TTC23: variants seen among roughly 807,000 people sequenced by gnomAD.
TTC23 encodes tetratricopeptide repeat protein 23.
Under a neutral mutation model 55.1 loss-of-function variants are expected in TTC23, and 58 were observed. The ratio of observed to expected loss-of-function variants is 1.05; its 90% CI spans 0.85 to 1.31. TTC23 has a LOEUF of 1.31. Ranked by LOEUF, TTC23 falls within the 50% of genes most tolerant of loss-of-function variation. The pLI, the probability that TTC23 is intolerant of heterozygous loss-of-function variation, is 0.00. For synonymous variants in TTC23, 203 were observed against 199.9 expected, an observed-to-expected ratio of 1.02 and a Z score of -0.13; for missense variants, 516 against 534.4, an observed-to-expected ratio of 0.97 and a Z score of 0.34.
chr15:99,175,799 A>G (rs532601179), intron 9 of TTC23, among the ~76,000 whole-genome samples: 1 of 152,364 alleles, frequency 6.6e-6, no homozygotes, highest in Admixed American at 6.5e-5. Context: ...GTTCAAGACC[A>G]GCCTGGCCAA....
At position 99,218,672 on chromosome 15, in the gene TTC23, A is replaced by G. The variant is rs1596795051; in HGVS notation, c.497T>C (p.Leu166Pro). ...AAENLTKAER[L>P]SKELLQCGRI... ...TCCACATTGTAGCAGCTCCTTTGAAAGTCTCTCTGCTTTTGTCAAATTCTC... is the reference window on the plus strand; with the variant it reads ...TCCACATTGTAGCAGCTCCTTTGAAGGTCTCTCTGCTTTTGTCAAATTCTC... Residue 166 changes from leucine to proline, a missense_variant, in exon 8 of 14, where the codon CTT becomes CCT. By Grantham distance (98) the Leu-to-Pro change is moderately conservative. Transcript: ENST00000394132. 5 of 1,614,126 alleles carry G rather than the reference A, an allele frequency of 3.1e-6. No individual in the cohort carries two copies. The highest frequency in any genetic ancestry group is 1.3e-5 in the African/African-American group (1 of 75,030).
chr15:99,248,932 C>A (rs1484572418), intron 1 of TTC23, among the ~76,000 whole-genome samples: 2 of 152,056 alleles, frequency 1.3e-5, no homozygotes, highest in Non-Finnish European at 2.9e-5. Context: ...TCCCTGGAAT[C>A]CCTAATCCAC....
chr15:99,238,031 T>C (rs1378961538), intron 3 of TTC23, among the ~76,000 whole-genome samples: 3 of 152,198 alleles, frequency 2.0e-5, no homozygotes, highest in South Asian at 4.1e-4. Flanking sequence ...AGTGGCACGA[T>C]CTCGGCTCAC....
chr15:99,175,554 G>T (rs898286251), intron 9 of TTC23, among the ~76,000 whole-genome samples: 10 of 152,226 alleles, frequency 6.6e-5, no homozygotes, highest in African/African-American at 2.2e-4. Flanking sequence ...GGACCTACCG[G>T]TGGGTGTCAG....
At chr15:99,139,912 C>T (rs1384372965) in intron 12 of TTC23, 4 of 403,228 alleles carry the variant, frequency 9.9e-6, no homozygotes, top group Non-Finnish European at 1.7e-5. Flanking sequence ...TGATTTCTCC[C>T]TTCTGCTTAC....
chr15:99,176,538 G>A (rs529209568), intron 9 of TTC23, among the ~76,000 whole-genome samples: 4 of 152,116 alleles, frequency 2.6e-5, no homozygotes, highest in Admixed American at 6.5e-5. Context: ...CTTTGAGCCC[G>A]GGAGGTTGAG....
intron 12 of TTC23, chr15:99,139,686 TG>T: frequency 2.9e-6 from 4 of 1,388,034 alleles, no homozygotes; most frequent in Non-Finnish European, 3.8e-6. Flanking sequence ...GCAAGAACCT[TG>T]GTACTGACCA....
At chr15:99,145,908 G>T (rs1035273161) in intron 12 of TTC23, among the ~76,000 whole-genome samples, 1 of 152,244 alleles carries the variant, frequency 6.6e-6, no homozygotes, top group Middle Eastern at 3.4e-3. Context: ...ACTGCCACCC[G>T]CACAACTCCT....
intron 10 of TTC23, among the ~76,000 whole-genome samples, chr15:99,163,143 G>T (rs1233671797): frequency 2.0e-5 from 3 of 152,152 alleles, no homozygotes; most frequent in Non-Finnish European, 4.4e-5. Context: ...AAACCAGAAA[G>T]ATTATCCCCT....
chr15:99,175,199 A>T (rs1307447481), intron 9 of TTC23, 44 bp from the exon 10 acceptor site: 7 of 1,505,910 alleles, frequency 4.6e-6, no homozygotes, highest in Non-Finnish European at 6.4e-6. Context: ...CATACTTGGC[A>T]GCAGCAGCAG....
Position 99,243,928 on chromosome 15 carries a change from A to G in TTC23, c.-309+1461T>C, listed in dbSNP as rs546782767. Among the ~76,000 whole-genome samples the G allele has an allele frequency of 1.2e-4, 18 of 152,332 alleles. No homozygotes were observed. The South Asian group carries it at 2.5e-3, about 21-fold the overall frequency. On this transcript the variant is annotated intron_variant, in intron 2 of 13. Coordinates refer to ENST00000394132, the MANE Select transcript of TTC23 (RefSeq NM_001288615.3). ...TACTTGATATCACAACAGGGTGACT[A>G]CAGTCAACAATAAGTTATTGTATAT...
In TTC23 at chr15:99,137,767, G is replaced by C. The variant is rs2067708439; in HGVS notation, c.*243C>G. Reference sequence around the variant, plus strand: ...TGCTGATGGGTAAAAATTCTTGTTGGCAAGAAAAACCACTTAGGTGATAGA... The same window carrying C: ...TGCTGATGGGTAAAAATTCTTGTTGCCAAGAAAAACCACTTAGGTGATAGA... On this transcript the variant is annotated 3_prime_UTR_variant, in exon 14 of 14. Transcript: ENST00000394132. The C allele has an allele frequency of 1.8e-6, 1 of 541,670 alleles. No homozygotes were observed. The highest frequency in any genetic ancestry group is 1.9e-5 in the African/African-American group (1 of 52,802). 33.6% of individuals were successfully genotyped at this position (541,670 alleles called of 1,614,324 possible).
intron 8 of TTC23, among the ~76,000 whole-genome samples, chr15:99,203,476 A>G (rs1034008549): frequency 6.6e-6 from 1 of 152,136 alleles, no homozygotes; most frequent in Non-Finnish European, 1.5e-5. Flanking sequence ...TGTTAGGAAC[A>G]TGCCAGTTCC....
rs2076163514 is a variant in TTC23, at chr15:99,201,121, C to T, written c.582-1025G>A. On this transcript the variant is annotated intron_variant, in intron 8 of 13. Transcript: ENST00000394132. ...TGTAATTTTACATTTCATGTTTGTG[C>T]TTTTCTAAATTTCCCAAACTTCTAT... Among the ~76,000 whole-genome samples, 4 of 152,156 alleles carry T rather than the reference C, an allele frequency of 2.6e-5. No homozygotes were observed. The South Asian group carries it at 8.3e-4, about 32-fold the overall frequency.
chr15:99,200,792 C>T (rs1289615065), intron 8 of TTC23, among the ~76,000 whole-genome samples: 1 of 152,140 alleles, frequency 6.6e-6, no homozygotes, highest in Non-Finnish European at 1.5e-5. Context: ...TTAGCATTCT[C>T]TATAATGGTG....
intron 12 of TTC23, among the ~76,000 whole-genome samples, chr15:99,148,333 C>T (rs2069214483): frequency 9.5e-6 from 1 of 105,158 alleles, no homozygotes; most frequent in African/African-American, 3.7e-5. Context: ...TGCACTCCAG[C>T]CTGGGTGACA....
chr15:99,222,422 G>A (rs113853491), intron 5 of TTC23, among the ~76,000 whole-genome samples: 58,268 of 152,022 alleles, frequency 0.38, 11,773 homozygotes, highest in Middle Eastern at 0.56. Context: ...GACCACAGGT[G>A]TGCACCACCA....
At chr15:99,204,638 T>TTTTTTTTG (rs1321542930) in intron 8 of TTC23, among the ~76,000 whole-genome samples, 3 of 126,024 alleles carry the variant, frequency 2.4e-5, no homozygotes, top group African/African-American at 1.0e-4. Context: ...TAAGGTTTTT[T>TTTTTTTTG]TTTTTTTTTT....
chr15:99,228,463 T>C lies in TTC23; in HGVS notation c.180+70A>G, dbSNP rs972544156. On this transcript the variant is annotated intron_variant, in intron 5 of 13. Transcript: ENST00000394132. ...AGATTAGGAATGTAATCCAAAACAT[T>C]CTACTTCTCTTGATTATACCATATA... 6.6e-6 allele frequency: 9 copies of C among 1,360,484 alleles called. No individual in the cohort carries two copies. In the African/African-American group the frequency reaches 1.2e-4, roughly 18 times the overall value. 84.3% of individuals were successfully genotyped at this position (1,360,484 alleles called of 1,614,324 possible).
Sources: gnomAD v4.1 joint callset for allele counts (sites outside exome capture counted in the v4.1 genomes callset) on GRCh38, gnomAD v4.1.1 for gene constraint, MANE v1.5 for transcripts, NCBI Gene and HGNC (gene_info 2026-07-23, HGNC 2026-07-21) for gene names.